TCFL5: variants seen among roughly 807,000 people sequenced by gnomAD.
TCFL5 encodes transcription factor like 5, also known as transcription factor-like 5 protein.
A neutral mutation model predicts 44.3 loss-of-function variants in TCFL5; 9 were observed. The ratio of observed to expected loss-of-function variants is 0.20; its 90% CI spans 0.12 to 0.35. The LOEUF (loss-of-function observed/expected upper bound fraction) is 0.35. Among genes scored for constraint, TCFL5 ranks in the 10% least tolerant of loss-of-function variants. The probability of loss-of-function intolerance (pLI) is 1.00; values close to 1 mark genes in which losing one functional copy is unlikely to be tolerated. For missense variants in TCFL5, 603 were observed against 613.4 expected, an observed-to-expected ratio of 0.98 and a Z score of 0.18; for synonymous variants, 319 against 271.6, an observed-to-expected ratio of 1.17 and a Z score of -1.72.
At chr20:62,854,184 CGA>C (rs1223560380) in intron 4 of TCFL5, 27 bp from the exon 5 acceptor site, 3 of 1,611,268 alleles carry the variant, frequency 1.9e-6, no homozygotes, top group Middle Eastern at 1.7e-4. Flanking sequence ...AAGTCATCAC[CGA>C]GAGAGACCGG....
intron 5 of TCFL5, among the ~76,000 whole-genome samples, chr20:62,850,402 TGA>T (rs2063792426): frequency 6.6e-6 from 1 of 151,926 alleles, no homozygotes; most frequent in Admixed American, 6.6e-5. Context: ...CCTGCTTCTC[TGA>T]GTCTTCCCTC....
intron 5 of TCFL5, chr20:62,851,928 C>T (rs1472404733): frequency 2.0e-5 from 16 of 795,760 alleles, no homozygotes; most frequent in Non-Finnish European, 2.4e-5. Flanking sequence ...CCTGCTTCAA[C>T]CTCCTGAGTA....
intron 5 of TCFL5, chr20:62,844,848 G>C (rs566838021): frequency 1.0e-6 from 1 of 979,638 alleles, no homozygotes; most frequent in Non-Finnish European, 1.2e-6. Context: ...CACCCACCTC[G>C]GCCTCCCAGA....
intron 5 of TCFL5, among the ~76,000 whole-genome samples, chr20:62,843,445 G>A (rs1002715499): frequency 2.5e-4 from 38 of 152,166 alleles, no homozygotes; most frequent in Admixed American, 2.2e-3. Flanking sequence ...GTGGGAGGGC[G>A]AGGGGATAGG....
At chr20:62,852,502 C>CT (rs1418202217) in intron 5 of TCFL5, 1 of 985,382 alleles carries the variant, frequency 1.0e-6, no homozygotes, top group East Asian at 1.1e-4. Context: ...AATCACACGT[C>CT]TAGTTCCAGC....
chr20:62,855,034 G>A lies in TCFL5; in HGVS notation c.1239-877C>T, dbSNP rs138315929. Reference sequence around the variant, plus strand: ...CGGTGTAAGGCTTTCCACATAGCAGGTACTCAATAAATGTCTATTAAATAA... The same window carrying A: ...CGGTGTAAGGCTTTCCACATAGCAGATACTCAATAAATGTCTATTAAATAA... On this transcript the variant is annotated intron_variant, in intron 4 of 5. Coordinates refer to ENST00000335351, the MANE Select transcript of TCFL5 (RefSeq NM_006602.4). Among the ~76,000 whole-genome samples, 630 of 152,210 alleles carry A rather than the reference G, an allele frequency of 4.1e-3. 6 individuals carry two copies. Among genetic ancestry groups the A allele is most frequent in the Admixed American group, 6.5e-3 (100 of 15,298 alleles).
intron 4 of TCFL5, among the ~76,000 whole-genome samples, chr20:62,854,463 G>A (rs1484659427): frequency 6.6e-6 from 1 of 152,178 alleles, no homozygotes; most frequent in Non-Finnish European, 1.5e-5. Context: ...GATTAGGGAT[G>A]GCTCCAAAGC....
intron 5 of TCFL5, chr20:62,845,410 A>G (rs1421719159): frequency 8.2e-7 from 1 of 1,223,930 alleles, no homozygotes; most frequent in East Asian, 5.0e-5. Context: ...GGCGTGAGCT[A>G]CGACGCCCAG....
intron 5 of TCFL5, among the ~76,000 whole-genome samples, chr20:62,850,942 C>A (rs753230999): frequency 2.0e-5 from 3 of 152,102 alleles, no homozygotes; most frequent in African/African-American, 7.2e-5. Context: ...GGCCCTGCTC[C>A]CACTGTCTTC....
In TCFL5 at chr20:62,860,248, G is replaced by T. The variant is rs2063972725; in HGVS notation, c.708C>A (p.Asn236Lys). The T allele has an allele frequency of 6.2e-7, 1 of 1,613,660 alleles. No individual in the cohort carries two copies. The highest frequency in any genetic ancestry group is 8.5e-7 in the Non-Finnish European group (1 of 1,179,732). The change falls in exon 2 of 6, where the codon AAC becomes AAA. Residue 236 changes from asparagine (N) to lysine (K), a missense_variant. By Grantham distance (94) the Asn-to-Lys change is moderately conservative. This residue lies in a region of TCFL5 where 540 missense variants were observed against 478.7 expected (regional missense o/e 1.13). Transcript: ENST00000335351. Reference sequence around the variant, plus strand: ...TATTTTTCACTAATGCTGTACATTTGTTTTGTTGCTGAAGAGGAACATTCA... The same window carrying T: ...TATTTTTCACTAATGCTGTACATTTTTTTTGTTGCTGAAGAGGAACATTCA... Reference protein sequence around the residue: ...ELMNVPLQQQNKCTALVKNKT... With the variant: ...ELMNVPLQQQKKCTALVKNKT...
chr20:62,844,171 T>C (rs936525165), intron 5 of TCFL5, among the ~76,000 whole-genome samples: 10 of 152,202 alleles, frequency 6.6e-5, no homozygotes, highest in Non-Finnish European at 1.5e-5. Flanking sequence ...GGCTGCACCA[T>C]TTCACACCCC....
At chr20:62,857,725 G>A in intron 3 of TCFL5, 87 bp from the exon 4 acceptor site, 5 of 1,473,512 alleles carry the variant, frequency 3.4e-6, no homozygotes, top group African/African-American at 1.4e-5. Flanking sequence ...TTCAATCCAA[G>A]ATATAAACAT....
At chr20:62,858,070 G>A (rs371015302) in intron 3 of TCFL5, among the ~76,000 whole-genome samples, 22 of 151,140 alleles carry the variant, frequency 1.5e-4, no homozygotes, top group African/African-American at 4.9e-4. Context: ...ATTATTCTAA[G>A]AACAAGAAAA....
At position 62,860,211 on chromosome 20, in the gene TCFL5, T is replaced by C; in HGVS notation, c.745A>G (p.Thr249Ala). The stretch of plus-strand genomic sequence containing the variant: ...TATGTAAATTGCAAAGCAGTAGTTG[T>C]AGCCGCAGTTTTATTTTTCACTAAT... ...TALVKNKTAA[T>A]TTALQFTYPL... Residue 249 changes from threonine (T) to alanine (A), a missense_variant, in exon 2 of 6, where the codon ACA becomes GCA. Thr to Ala is a moderately conservative substitution (Grantham distance 58). Coordinates refer to ENST00000335351, the MANE Select transcript of TCFL5 (RefSeq NM_006602.4). 3 of 1,613,950 alleles carry C rather than the reference T, an allele frequency of 1.9e-6. No homozygotes were observed. Among genetic ancestry groups the C allele is most frequent in the Admixed American group, 1.7e-5 (1 of 60,020 alleles).
At chr20:62,850,640 T>C (rs1248109468) in intron 5 of TCFL5, among the ~76,000 whole-genome samples, 1 of 152,092 alleles carries the variant, frequency 6.6e-6, no homozygotes, top group Non-Finnish European at 1.5e-5. Flanking sequence ...TAGCATCCAG[T>C]GTCCCCCAGC....
intron 4 of TCFL5, among the ~76,000 whole-genome samples, chr20:62,856,689 G>A (rs1474990195): frequency 8.3e-6 from 1 of 120,772 alleles, no homozygotes; most frequent in Non-Finnish European, 1.6e-5. Context: ...CTGGGCGACA[G>A]AGCAAGACTC....
chr20:62,843,526 GA>G (rs1243312328), intron 5 of TCFL5, among the ~76,000 whole-genome samples: 3 of 152,174 alleles, frequency 2.0e-5, no homozygotes, highest in African/African-American at 7.2e-5. Flanking sequence ...GTGCAGATTT[GA>G]AAATTTCCAT....
At chr20:62,859,242 C>A in intron 3 of TCFL5, 122 bp downstream of exon 3, 1 of 961,436 alleles carries the variant, frequency 1.0e-6, no homozygotes, top group South Asian at 1.7e-5. Flanking sequence ...ACACAGACAC[C>A]TCCAAGACTG....
intron 1 of TCFL5, 125 bp from the exon 2 acceptor site, chr20:62,860,433 T>G: frequency 3.3e-5 from 27 of 818,460 alleles, no homozygotes; most frequent in Middle Eastern, 2.5e-4. Context: ...TGGAAATCTC[T>G]ACACAACAAT....
Sources: gnomAD v4.1 joint callset for allele counts (sites outside exome capture counted in the v4.1 genomes callset) on GRCh38, gnomAD v4.1.1 for gene constraint, gnomAD v4.1.1 regional missense constraint, MANE v1.5 for transcripts, NCBI Gene and HGNC (gene_info 2026-07-23, HGNC 2026-07-21) for gene names.